Variants in CPAMD8 observed in about 807,000 individuals in gnomAD.
CPAMD8 encodes the protein C3 and PZP like alpha-2-macroglobulin domain containing 8.
CPAMD8 carries 146 observed loss-of-function variants against 224.7 expected under a neutral mutation model. That is an observed-to-expected ratio of 0.65 (90% confidence interval 0.57 to 0.75). The LOEUF (loss-of-function observed/expected upper bound fraction) is 0.75. CPAMD8 is among the 30% of genes least tolerant of loss of function. CPAMD8 has a pLI of 0.00. For synonymous variants in CPAMD8, 966 were observed against 1,044.6 expected, an observed-to-expected ratio of 0.92 and a Z score of 1.45; for missense variants, 2,301 against 2,537.5, an observed-to-expected ratio of 0.91 and a Z score of 2.00.
intron 18 of CPAMD8, among the ~76,000 whole-genome samples, chr19:16,970,644 G>A (rs981711801): frequency 1.3e-5 from 2 of 151,876 alleles, no homozygotes; most frequent in African/African-American, 2.4e-5. Flanking sequence ...TCTGCCATAT[G>A]AGGATACAGC....
intron 9 of CPAMD8, among the ~76,000 whole-genome samples, chr19:17,001,205 C>A (rs924292354): frequency 6.6e-6 from 1 of 151,728 alleles, no homozygotes; most frequent in Non-Finnish European, 1.5e-5. Context: ...GCTTGTGATC[C>A]CAGCTACTAG....
Position 16,896,707 on chromosome 19 carries a change from C to T in CPAMD8, c.5066-42G>A, listed in dbSNP as rs949858377. ...GCTCGACAGACCCCCCACCCTGAACCTTGCCCGCGCCCCCACAGAACCTGG... is the reference window on the plus strand; with the variant it reads ...GCTCGACAGACCCCCCACCCTGAACTTTGCCCGCGCCCCCACAGAACCTGG... On this transcript the variant is annotated intron_variant, in intron 39 of 41. Coordinates refer to ENST00000443236, the MANE Select transcript of CPAMD8 (RefSeq NM_015692.5). 1.6e-5 allele frequency: 21 copies of T among 1,317,174 alleles called. 1 individual carries two copies. In the Admixed American group the frequency reaches 3.3e-4, roughly 21 times the overall value. The allele number at this position is 1,317,174 out of a possible 1,614,324, so 81.6% of individuals were successfully genotyped here. A position where few individuals can be genotyped will look rare whatever the true frequency, so the allele number is the denominator to read the frequency against.
intron 19 of CPAMD8, among the ~76,000 whole-genome samples, chr19:16,952,739 A>G (rs1339321647): frequency 6.6e-6 from 1 of 152,226 alleles, no homozygotes; most frequent in African/African-American, 2.4e-5. Context: ...AAATAAATGA[A>G]AACATTTCCC....
chr19:16,945,508 G>A (rs952083035), intron 22 of CPAMD8, 41 bp downstream of exon 22: 3 of 1,600,026 alleles, frequency 1.9e-6, no homozygotes, highest in Non-Finnish European at 2.6e-6. Context: ...CTGAAGGAAT[G>A]AGGCCCTGGC....
chr19:16,921,943 G>A lies in CPAMD8; in HGVS notation c.3591C>T (p.Tyr1197=), dbSNP rs1029819013. 4 of 1,547,630 alleles carry A rather than the reference G, an allele frequency of 2.6e-6. No individual in the cohort carries two copies. The highest frequency in any genetic ancestry group is 1.4e-5 in the African/African-American group (1 of 73,032). ...ATGCGTCCCGCTCCCCAAACGCGCT[G>A]TAGGAGCCATCCTGGCGCTTGTAGG... is the stretch of plus-strand genomic sequence containing the variant. The part of the protein sequence containing the change: ...QLTYKRQDGS[Y]SAFGERDASG... Residue 1197 remains tyrosine (Y), a synonymous_variant, in exon 27 of 42, where the codon TAC becomes TAT. Transcript: ENST00000443236.
intron 19 of CPAMD8, among the ~76,000 whole-genome samples, chr19:16,953,520 C>G (rs552520375): frequency 1.3e-5 from 2 of 151,816 alleles, no homozygotes; most frequent in Admixed American, 1.3e-4. Context: ...AGCAACACAG[C>G]AAGACCCTAT....
intron 18 of CPAMD8, among the ~76,000 whole-genome samples, chr19:16,959,168 G>T (rs2054569351): frequency 6.9e-6 from 1 of 145,372 alleles, no homozygotes; most frequent in African/African-American, 2.5e-5. Flanking sequence ...GTTTTGATTT[G>T]CATTTCCCTT....
At chr19:16,938,527 C>T (rs866966408) in intron 22 of CPAMD8, 81 bp from the exon 23 acceptor site, 3 of 736,928 alleles carry the variant, frequency 4.1e-6, no homozygotes, top group Non-Finnish European at 7.0e-6. Context: ...GGCTCTCCCA[C>T]AGCAATGACT....
chr19:16,897,333 CT>C, intron 39 of CPAMD8: 1 of 283,332 alleles, frequency 3.5e-6, no homozygotes, highest in South Asian at 6.0e-5. Context: ...TCACCTCCCC[CT>C]CGCCGCTCGA....
intron 21 of CPAMD8, among the ~76,000 whole-genome samples, chr19:16,946,179 G>T (rs1333426383): frequency 6.7e-6 from 1 of 149,464 alleles, no homozygotes; most frequent in Non-Finnish European, 1.5e-5. Flanking sequence ...TGTATGATTT[G>T]TGTGTGTGTG....
intron 1 of CPAMD8, among the ~76,000 whole-genome samples, chr19:17,023,021 G>A (rs573709757): frequency 2.6e-5 from 4 of 152,036 alleles, no homozygotes; most frequent in South Asian, 2.1e-4. Flanking sequence ...TAACTCAGGC[G>A]GTCAGACTCC....
At chr19:16,949,020 GAAAA>G (rs2054213536) in intron 20 of CPAMD8, among the ~76,000 whole-genome samples, 2 of 119,780 alleles carry the variant, frequency 1.7e-5, no homozygotes, top group African/African-American at 3.1e-5. Flanking sequence ...AAGAAAGAAA[GAAAA>G]GAAAGAAAGA....
In CPAMD8 at chr19:16,928,183, G is replaced by A; in HGVS notation, c.3196C>T (p.Leu1066Phe). Residue 1066 changes from leucine (L) to phenylalanine (F), a missense_variant, in exon 25 of 42, where the codon CTC becomes TTC. Leu to Phe is a conservative substitution (Grantham distance 22). This residue lies in a region of CPAMD8 where 1,709 missense variants were observed against 1,753.2 expected (regional missense o/e 0.97). Coordinates refer to ENST00000443236, the MANE Select transcript of CPAMD8 (RefSeq NM_015692.5). ...SNESVIVAWT[L>F]PRPPEVQFIG... ...AACTGGACCTCTGGTGGCCTCGGGA[G>A]GGTCCAGGCCACAATGACAGACTCA... 6.2e-7 allele frequency: 1 copy of A among 1,614,130 alleles called. No homozygotes were observed. The highest frequency in any genetic ancestry group is 8.5e-7 in the Non-Finnish European group (1 of 1,180,044).
rs764498786 is a variant in CPAMD8, at chr19:16,997,213, G to A, written c.993C>T (p.Val331=). 6 of 1,568,948 alleles carry A rather than the reference G, an allele frequency of 3.8e-6. No homozygotes were observed. Among genetic ancestry groups the A allele is most frequent in the South Asian group, 3.3e-5 (3 of 90,192 alleles). The change falls in exon 11 of 42, where the codon GTC becomes GTT. Residue 331 remains valine, a synonymous_variant. Coordinates refer to ENST00000443236, the MANE Select transcript of CPAMD8 (RefSeq NM_015692.5). ...MVTSVDGSQQ[V]AFDDSTPVQR... ...GCACGGGGGTGGAGTCATCGAACGC[G>A]ACCTGCTGGCTCCCGTCCACACTGG...
In CPAMD8 at chr19:16,976,107, A is replaced by C; in HGVS notation, c.1803T>G (p.Val601=). 1.2e-6 allele frequency: 2 copies of C among 1,613,128 alleles called. No individual in the cohort carries two copies. Among genetic ancestry groups the C allele is most frequent in the Non-Finnish European group, 1.7e-6 (2 of 1,179,394 alleles). The change falls in exon 16 of 42, where the codon GTT becomes GTG. Residue 601 remains valine, a synonymous_variant. Transcript: ENST00000443236. ...TTGCAGCCCTGATCCGCAGGTCGACAACCTCCCCAGGTTGGGTCTCATTTG... is the reference window on the plus strand; with the variant it reads ...TTGCAGCCCTGATCCGCAGGTCGACCACCTCCCCAGGTTGGGTCTCATTTG... The part of the protein sequence containing the change: ...YSANETQPGE[V]VDLRIRAARG...
chr19:16,989,495 C>A, intron 13 of CPAMD8, 148 bp downstream of exon 13: 1 of 913,184 alleles, frequency 1.1e-6, no homozygotes, highest in Non-Finnish European at 1.6e-6. Context: ...CCATGCTGGC[C>A]AGGCTGGTCT....
chr19:16,958,020 T>G, intron 18 of CPAMD8, 105 bp from the exon 19 acceptor site: 1 of 1,012,910 alleles, frequency 9.9e-7, no homozygotes, highest in South Asian at 1.5e-5. Context: ...CGCGTTAATT[T>G]CTTTTACCTG....
At chr19:16,906,528 C>T (rs1331789794) in intron 30 of CPAMD8, among the ~76,000 whole-genome samples, 2 of 149,682 alleles carry the variant, frequency 1.3e-5, no homozygotes, top group Admixed American at 6.7e-5. Context: ...CTCAGCCTCC[C>T]GAGTAGCTGG....
chr19:16,946,377 TTG>T (rs55948316), intron 21 of CPAMD8, among the ~76,000 whole-genome samples: 13 of 146,720 alleles, frequency 8.9e-5, no homozygotes, highest in East Asian at 2.1e-4. Flanking sequence ...GTGTGTGGAT[TTG>T]TGTGTGTGTA....
Sources: allele counts gnomAD v4.1 joint callset (sites outside exome capture counted in the v4.1 genomes callset), GRCh38; gene constraint gnomAD v4.1.1; regional missense constraint gnomAD v4.1.1; transcripts MANE v1.5; gene names NCBI Gene and HGNC (gene_info 2026-07-23, HGNC 2026-07-21).